The following BCLAF1 variants were observed in gnomAD, a reference collection of about 807,000 sequenced individuals.
The protein encoded by BCLAF1 is bcl-2-associated transcription factor 1.
Under a neutral mutation model 99.5 loss-of-function variants are expected in BCLAF1, and 10 were observed. The observed-to-expected ratio is 0.10, with a 90% CI of 0.06 to 0.17. BCLAF1 has a LOEUF of 0.17. Among genes scored for constraint, BCLAF1 ranks in the 10% least tolerant of loss-of-function variants. BCLAF1 has a pLI of 1.00. For synonymous variants in BCLAF1, 255 were observed against 370.9 expected (o/e 0.69, Z 3.59); for missense variants, 636 against 1,105.8 (o/e 0.58, Z 6.02).
chr6:136,259,589 C>T lies in BCLAF1; in HGVS notation c.*1521G>A, dbSNP rs1345535769. 6.6e-6 allele frequency: 1 copy of T among 151,998 alleles called. No homozygotes were observed. Among genetic ancestry groups the T allele is most frequent in the Non-Finnish European group, 1.5e-5 (1 of 67,896 alleles). The allele number at this position is 151,998 out of a possible 1,614,324, so 9.4% of individuals were successfully genotyped here. On this transcript the variant is annotated 3_prime_UTR_variant, in exon 13 of 13. Coordinates refer to ENST00000531224, the MANE Select transcript of BCLAF1 (RefSeq NM_014739.3). ...GTTAACGGGGGAAAATCACACAATA[C>T]TAAGGATCTGAGGGCCATAAACATC...
chr6:136,278,639 T>G lies in BCLAF1; in HGVS notation c.242A>C (p.Tyr81Ser). Residue 81 changes from tyrosine to serine, a missense_variant, in exon 4 of 13, where the codon TAT (tyrosine) becomes TCT (serine). Around this residue, in one of 9 missense-constraint regions of BCLAF1, gnomAD observed 81 missense variants for 132.5 expected, o/e 0.61. Coordinates refer to ENST00000531224, the MANE Select transcript of BCLAF1 (RefSeq NM_014739.3). ...YGYRGRGRGY[Y>S]QGGGGRYHRG... ...ATGATATCTACCTCCTCCTCCTTGATAATACCCTCTACCCCTTCCTCTGTA... is the reference window on the plus strand; with the variant it reads ...ATGATATCTACCTCCTCCTCCTTGAGAATACCCTCTACCCCTTCCTCTGTA... 1 of 1,613,080 alleles carries G rather than the reference T, an allele frequency of 6.2e-7. No homozygotes were observed. The highest frequency in any genetic ancestry group is 1.1e-5 in the South Asian group (1 of 91,048).
In BCLAF1 at chr6:136,258,367, C is replaced by T. The variant is rs1223068806; in HGVS notation, c.*2743G>A. The T allele has an allele frequency of 6.7e-6, 1 of 149,442 alleles. No homozygotes were observed. The highest frequency in any genetic ancestry group is 1.5e-5 in the Non-Finnish European group (1 of 67,438). 9.3% of individuals were successfully genotyped at this position (149,442 alleles called of 1,614,324 possible). On this transcript the variant is annotated 3_prime_UTR_variant, in exon 13 of 13. Coordinates refer to ENST00000531224, the MANE Select transcript of BCLAF1 (RefSeq NM_014739.3). ...CCAACTGTAAAATTTCCCATTTTCC[C>T]AGGGGAGACAAGGGAAAAACAAAAA...
In BCLAF1 at chr6:136,267,033, A is replaced by T; in HGVS notation, c.2540T>A (p.Phe847Tyr). The T allele has an allele frequency of 6.2e-7, 1 of 1,612,864 alleles. No individual in the cohort carries two copies. The highest frequency in any genetic ancestry group is 1.1e-5 in the South Asian group (1 of 91,012). ...ACACAGATGTCTAACACCCACCAAGAAGTACTTCTTGCTCTTTGGGGTATA... is the reference window on the plus strand; with the variant it reads ...ACACAGATGTCTAACACCCACCAAGTAGTACTTCTTGCTCTTTGGGGTATA... ...PEYTPKSKKY[F>Y]LHDDRDDGVD... The change falls in exon 11 of 13, where the codon TTC becomes TAC. Residue 847 changes from phenylalanine to tyrosine, a missense_variant. Around this residue, in one of 9 missense-constraint regions of BCLAF1, gnomAD observed 57 missense variants for 116.7 expected, o/e 0.49. Transcript: ENST00000531224.
At chr6:136,270,951 C>T (rs1045424622) in intron 8 of BCLAF1, among the ~76,000 whole-genome samples, 1 of 151,534 alleles carries the variant, frequency 6.6e-6, no homozygotes, top group Non-Finnish European at 1.5e-5. Context: ...CTTTCAACAT[C>T]AATACGCCCC....
In BCLAF1 at chr6:136,266,921, A is replaced by G. The variant is rs1046881952; in HGVS notation, c.2544+108T>C. ...AATTATTTTAAAAAAGGTTTCCCAC[A>G]TAACGGTGAATCTTCTTATAGTAGT... is the stretch of plus-strand genomic sequence containing the variant. On this transcript the variant is annotated intron_variant, in intron 11 of 12. Coordinates refer to ENST00000531224, the MANE Select transcript of BCLAF1 (RefSeq NM_014739.3). The G allele has an allele frequency of 4.7e-5, 64 of 1,360,900 alleles. 3 individuals carry two copies. In the South Asian group the frequency reaches 8.2e-4, roughly 17 times the overall value. The allele number at this position is 1,360,900 out of a possible 1,614,324, so 84.3% of individuals were successfully genotyped here.
At chr6:136,280,984 C>T (rs903254230) in intron 2 of BCLAF1, among the ~76,000 whole-genome samples, 1 of 152,080 alleles carries the variant, frequency 6.6e-6, no homozygotes, top group Non-Finnish European at 1.5e-5. Context: ...TTTTTGAAGG[C>T]ACTTTTTTAC....
intron 11 of BCLAF1, among the ~76,000 whole-genome samples, chr6:136,262,959 G>A (rs1366971403): frequency 6.6e-6 from 1 of 152,114 alleles, no homozygotes; most frequent in East Asian, 1.9e-4. Flanking sequence ...TGTGTGCCTT[G>A]AGGGAACACA....
At chr6:136,284,681 G>A (rs1381231572) in intron 1 of BCLAF1, among the ~76,000 whole-genome samples, 1 of 152,156 alleles carries the variant, frequency 6.6e-6, no homozygotes, top group Non-Finnish European at 1.5e-5. Flanking sequence ...GATAACTTGA[G>A]ATAAGTGCCT....
At chr6:136,271,966 A>G (rs774853443) in intron 8 of BCLAF1, 29 bp downstream of exon 8, 2 of 1,522,454 alleles carry the variant, frequency 1.3e-6, no homozygotes, top group South Asian at 1.2e-5. Context: ...TGAACTTAAC[A>G]CGAAAAAAAA....
intron 1 of BCLAF1, among the ~76,000 whole-genome samples, chr6:136,284,130 G>GTGTATGTATA (rs36141174): frequency 8.2e-6 from 1 of 122,120 alleles, no homozygotes; most frequent in East Asian, 2.2e-4. Flanking sequence ...GTGTGTGTGT[G>GTGTATGTATA]TATATATATA....
chr6:136,274,301 T>TAA (rs5880289), intron 6 of BCLAF1: 3,244 of 183,562 alleles, frequency 0.018, 12 homozygotes, highest in East Asian at 0.053. Context: ...ACAGTTCTTT[T>TAA]AAAAAAAAAA....
At chr6:136,279,596 C>T in intron 3 of BCLAF1, 167 bp downstream of exon 3, 2 of 684,298 alleles carry the variant, frequency 2.9e-6, no homozygotes, top group Non-Finnish European at 4.0e-6. Flanking sequence ...AGCTTGTTAC[C>T]TGGACATTCT....
chr6:136,279,626 A>G, intron 3 of BCLAF1, 137 bp downstream of exon 3: 1 of 923,072 alleles, frequency 1.1e-6, no homozygotes, highest in Non-Finnish European at 1.4e-6. Context: ...GCTTACAATA[A>G]GGATAACAAT....
rs1157427814 is a variant in BCLAF1 at position 136,278,093 on chromosome 6, T to A, written c.788A>T (p.His263Leu). ...CCTTTCAGGACTATGCTGAATGGAA[T>A]GTGAATGCTGAGAAGGAGTATTTTT... ...SAKNTPSQHSHSIQHSPERSG... is the reference protein window; with the variant it reads ...SAKNTPSQHSLSIQHSPERSG... The change falls in exon 4 of 13, where the codon CAT becomes CTT. Residue 263 changes from histidine to leucine, a missense_variant. Physicochemically the swap from His to Leu is moderately conservative, Grantham distance 99. Around this residue, in one of 9 missense-constraint regions of BCLAF1, gnomAD observed 5 missense variants for 35.0 expected, o/e 0.14. Transcript: ENST00000531224. 1 of 1,608,156 alleles carries A rather than the reference T, an allele frequency of 6.2e-7. No homozygotes were observed. The highest frequency in any genetic ancestry group is 1.3e-5 in the African/African-American group (1 of 74,758).
chr6:136,279,635 A>G, intron 3 of BCLAF1, 128 bp downstream of exon 3: 1 of 1,000,610 alleles, frequency 1.0e-6, no homozygotes, highest in Non-Finnish European at 1.3e-6. Context: ...AAGGATAACA[A>G]TAGATCCATT....
At chr6:136,268,019 A>C (rs1462326192) in intron 10 of BCLAF1, 143 bp downstream of exon 10, 12 of 799,520 alleles carry the variant, frequency 1.5e-5, no homozygotes, top group Non-Finnish European at 2.2e-5. Context: ...CACTTCAAAC[A>C]CCACTTCATG....
chr6:136,264,959 A>G (rs1011173009), intron 11 of BCLAF1, among the ~76,000 whole-genome samples: 2 of 152,246 alleles, frequency 1.3e-5, no homozygotes, highest in African/African-American at 4.8e-5. Context: ...CTGCCTAAGT[A>G]AACGCCAACC....
intron 8 of BCLAF1, among the ~76,000 whole-genome samples, chr6:136,270,575 A>G (rs572207173): frequency 6.6e-6 from 1 of 151,994 alleles, no homozygotes; most frequent in African/African-American, 2.4e-5. Flanking sequence ...CACAAAGAAA[A>G]AAATCTAATC....
At chr6:136,266,913 T>G in intron 11 of BCLAF1, 116 bp downstream of exon 11, 1 of 1,295,524 alleles carries the variant, frequency 7.7e-7, no homozygotes, top group Non-Finnish European at 1.1e-6. Flanking sequence ...TTAAAAAAGG[T>G]TTCCCACATA....
Sources: allele counts gnomAD v4.1 joint callset (sites outside exome capture counted in the v4.1 genomes callset), GRCh38; gene constraint gnomAD v4.1.1; regional missense constraint gnomAD v4.1.1; transcripts MANE v1.5; gene names NCBI Gene and HGNC (gene_info 2026-07-23, HGNC 2026-07-21).